The following DAB1 variants were observed in gnomAD, a reference collection of about 807,000 sequenced individuals.
DAB1 encodes the protein DAB adaptor protein 1, also known as disabled homolog 1.
In DAB1, 15 loss-of-function variants were observed where a neutral mutation model predicts 64.6. That is an observed-to-expected ratio of 0.23 (90% CI 0.16 to 0.36). DAB1 has a LOEUF of 0.36. Among genes scored for constraint, DAB1 ranks in the 10% least tolerant of loss-of-function variants. The probability of loss-of-function intolerance (pLI) is 1.00; values close to 1 mark genes in which losing one functional copy is unlikely to be tolerated. For missense variants in DAB1, 596 were observed against 706.7 expected, an observed-to-expected ratio of 0.84 and a Z score of 1.78; for synonymous variants, 235 against 251.9, an observed-to-expected ratio of 0.93 and a Z score of 0.64.
chr1:57,670,938 G>A (rs1570723639), intron 6 of DAB1, among the ~76,000 whole-genome samples: 1 of 152,112 alleles, frequency 6.6e-6, no homozygotes, highest in East Asian at 1.9e-4. Context: ...GTATTTGCAT[G>A]TAACCTACAG....
chr1:57,377,364 C>T (rs1207266161), intron 1 of DAB1, among the ~76,000 whole-genome samples: 2 of 151,880 alleles, frequency 1.3e-5, no homozygotes, highest in East Asian at 3.9e-4. Flanking sequence ...GGTATGCCCA[C>T]ATCAAATTCA....
At chr1:57,808,061 A>G (rs184932591) in intron 6 of DAB1, among the ~76,000 whole-genome samples, 20 of 152,214 alleles carry the variant, frequency 1.3e-4, no homozygotes. Flanking sequence ...CAAAAGATAT[A>G]TGTTGTTTTT....
At chr1:58,260,422 A>G (rs1661023810) in intron 4 of DAB1, among the ~76,000 whole-genome samples, 1 of 152,094 alleles carries the variant, frequency 6.6e-6, no homozygotes, top group Admixed American at 6.6e-5. Flanking sequence ...GGGCCCTCCC[A>G]CCACTATCAC....
intron 1 of DAB1, among the ~76,000 whole-genome samples, chr1:58,530,435 A>T (rs951297582): frequency 1.3e-5 from 2 of 152,216 alleles, no homozygotes; most frequent in Admixed American, 6.5e-5. Context: ...TTAAATATTC[A>T]TATATAAGAA....
At chr1:58,451,362 G>T (rs540595402) in intron 3 of DAB1, among the ~76,000 whole-genome samples, 1 of 152,190 alleles carries the variant, frequency 6.6e-6, no homozygotes, top group African/African-American at 2.4e-5. Flanking sequence ...CAAAGTGCTG[G>T]GGTTACAGGC....
chr1:57,381,452 T>C (rs1023753817), intron 1 of DAB1, among the ~76,000 whole-genome samples: 1 of 152,180 alleles, frequency 6.6e-6, no homozygotes, highest in Non-Finnish European at 1.5e-5. Context: ...AAAATACTGA[T>C]GATGTGCAAT....
intron 5 of DAB1, among the ~76,000 whole-genome samples, chr1:57,942,479 T>C (rs973615991): frequency 6.6e-6 from 1 of 152,198 alleles, no homozygotes; most frequent in African/African-American, 2.4e-5. Flanking sequence ...AGACAGGCAG[T>C]GTTAATCAGA....
chr1:57,324,251 G>A (rs1311982527), intron 1 of DAB1, among the ~76,000 whole-genome samples: 1 of 152,128 alleles, frequency 6.6e-6, no homozygotes, highest in Non-Finnish European at 1.5e-5. Context: ...AGGAGGAGTC[G>A]GGATGCTCAG....
chr1:57,751,434 G>A (rs193008571), intron 6 of DAB1, among the ~76,000 whole-genome samples: 5 of 152,150 alleles, frequency 3.3e-5, no homozygotes, highest in Non-Finnish European at 7.4e-5. Context: ...GCAACTGGAG[G>A]GGGATGCTAC....
At chr1:57,337,858 T>C (rs1677207819) in intron 1 of DAB1, among the ~76,000 whole-genome samples, 1 of 149,928 alleles carries the variant, frequency 6.7e-6, no homozygotes, top group Non-Finnish European at 1.5e-5. Context: ...TCCCTTTCCC[T>C]TTCCCTTCCC....
rs548022662 is a variant in DAB1, at chr1:58,113,293, G to A, written n.387+37218C>T. Among the ~76,000 whole-genome samples, 8 of 152,258 alleles carry A rather than the reference G, an allele frequency of 5.3e-5. No individual in the cohort carries two copies. The East Asian group carries it at 1.4e-3, about 26-fold the overall frequency. ...GAGCTGTTGATTGGTTGGAGGGTGC[G>A]TGGGAGAGGGACATGTTAAAGATGG... On this transcript the variant is annotated intron_variant and non_coding_transcript_variant, in intron 5 of 20. Coordinates refer to the DAB1 transcript ENST00000485760.
intron 1 of DAB1, among the ~76,000 whole-genome samples, chr1:57,866,713 C>T (rs1010705575): frequency 6.6e-6 from 1 of 152,146 alleles, no homozygotes; most frequent in South Asian, 2.1e-4. Flanking sequence ...GGAAGCACTC[C>T]ACAAATGACA....
At chr1:58,032,777 C>T (rs1646989778) in intron 5 of DAB1, among the ~76,000 whole-genome samples, 2 of 152,196 alleles carry the variant, frequency 1.3e-5, no homozygotes, top group Admixed American at 1.3e-4. Context: ...ACACTACCTT[C>T]AGGGTGAAAT....
chr1:58,032,372 A>G (rs913721844), intron 5 of DAB1, among the ~76,000 whole-genome samples: 4 of 152,156 alleles, frequency 2.6e-5, no homozygotes, highest in Non-Finnish European at 4.4e-5. Context: ...GTAAATTGAG[A>G]TAATAGCTAT....
Position 58,036,972 on chromosome 1 carries a change from A to G in DAB1, n.387+113539T>C, listed in dbSNP as rs557570238. 3.9e-5 allele frequency among the ~76,000 whole-genome samples: 6 copies of G among 152,330 alleles called. No homozygotes were observed. In the East Asian group the frequency reaches 9.6e-4, roughly 24 times the overall value. On this transcript the variant is annotated intron_variant and non_coding_transcript_variant, in intron 5 of 20. Transcript: ENST00000485760. ...TTAGTTGACTTCTAGTCAATGGAAT[A>G]TGATTCTGAGCATGGCCCATTTCAG... is the stretch of plus-strand genomic sequence containing the variant.
intron 1 of DAB1, among the ~76,000 whole-genome samples, chr1:57,882,794 T>G (rs1469083562): frequency 6.6e-6 from 1 of 152,216 alleles, no homozygotes; most frequent in East Asian, 1.9e-4. Flanking sequence ...CTAGGTGAGC[T>G]GGACATGGTT....
At chr1:57,984,184 A>AAAAGAAAG (rs557402048) in intron 5 of DAB1, among the ~76,000 whole-genome samples, 938 of 50,468 alleles carry the variant, frequency 0.019, 46 homozygotes, top group African/African-American at 0.023. Context: ...TAGCTTAAAA[A>AAAAGAAAG]AAAGAAAGAA....
chr1:57,920,073 C>A (rs1301300751), intron 5 of DAB1, among the ~76,000 whole-genome samples: 1 of 152,146 alleles, frequency 6.6e-6, no homozygotes, highest in Admixed American at 6.5e-5. Flanking sequence ...TAGTTAGAGG[C>A]AGGCAGTATT....
intron 2 of DAB1, among the ~76,000 whole-genome samples, chr1:57,256,144 A>T (rs1235167574): frequency 6.6e-6 from 1 of 152,152 alleles, no homozygotes; most frequent in African/African-American, 2.4e-5. Flanking sequence ...TTCACATCCA[A>T]ATTAACGGCT....
Sources: allele counts gnomAD v4.1 joint callset (sites outside exome capture counted in the v4.1 genomes callset), GRCh38; gene constraint gnomAD v4.1.1; transcripts MANE v1.5; gene names NCBI Gene and HGNC (gene_info 2026-07-23, HGNC 2026-07-21).